Variants in CCDC141 observed in about 807,000 individuals in gnomAD.
CCDC141 encodes coiled-coil domain containing 141, also known as coiled-coil domain-containing protein 141.
In CCDC141, 168 loss-of-function variants were observed where a neutral mutation model predicts 181.0. The observed-to-expected ratio is 0.93, with a 90% CI of 0.82 to 1.05. The LOEUF (loss-of-function observed/expected upper bound fraction) is 1.05, where lower values mean the gene tolerates loss of function less well. CCDC141 is among the 50% of genes least tolerant of loss of function. CCDC141 has a pLI of 0.00. For missense variants in CCDC141, 1,902 were observed against 1,788.5 expected (o/e 1.06, Z -1.14); for synonymous variants, 666 against 642.3 (o/e 1.04, Z -0.56).
At chr2:179,044,403 C>G (rs62176021) in intron 2 of CCDC141, among the ~76,000 whole-genome samples, 13,114 of 152,282 alleles carry the variant, frequency 0.086, 750 homozygotes, top group Admixed American at 0.17. Context: ...CAACTTCAAA[C>G]TATACTACAG....
intron 22 of CCDC141, among the ~76,000 whole-genome samples, chr2:178,842,385 C>T (rs1213697179): frequency 6.6e-6 from 1 of 152,238 alleles, no homozygotes; most frequent in Admixed American, 6.5e-5. Context: ...TACCCACTTA[C>T]ATATCTAGTA....
chr2:178,855,967 G>T (rs1386454128), intron 18 of CCDC141, among the ~76,000 whole-genome samples: 1 of 152,090 alleles, frequency 6.6e-6, no homozygotes, highest in Admixed American at 6.6e-5. Context: ...AGTGTAGAAG[G>T]CACGTGCATG....
intron 7 of CCDC141, among the ~76,000 whole-genome samples, chr2:178,909,239 C>T (rs1575203976): frequency 6.6e-6 from 1 of 152,022 alleles, no homozygotes; most frequent in East Asian, 1.9e-4. Context: ...ATATCAAGGA[C>T]AAAGATAGCC....
At chr2:178,877,767 G>A in intron 12 of CCDC141, 197 bp downstream of exon 12, 2 of 637,602 alleles carry the variant, frequency 3.1e-6, no homozygotes, top group Non-Finnish European at 5.5e-6. Flanking sequence ...CAGCCTTCCT[G>A]TTATAAACTA....
intron 4 of CCDC141, among the ~76,000 whole-genome samples, chr2:178,967,715 G>T (rs1690701879): frequency 6.6e-6 from 1 of 152,112 alleles, no homozygotes; most frequent in Non-Finnish European, 1.5e-5. Flanking sequence ...GCATCATAAT[G>T]ACAGGATCAA....
intron 6 of CCDC141, among the ~76,000 whole-genome samples, chr2:178,939,251 A>G (rs1425322098): frequency 1.3e-5 from 2 of 152,236 alleles, no homozygotes; most frequent in African/African-American, 4.8e-5. Context: ...TTTTAAGAAA[A>G]CCTTCCATAA....
At chr2:178,942,055 T>C (rs1689546725) in intron 6 of CCDC141, among the ~76,000 whole-genome samples, 1 of 149,822 alleles carries the variant, frequency 6.7e-6, no homozygotes, top group Admixed American at 6.7e-5. Flanking sequence ...TAGGTTTCTA[T>C]GCCTCACTTT....
chr2:178,924,585 G>T (rs1198136433), intron 6 of CCDC141, among the ~76,000 whole-genome samples: 1 of 152,120 alleles, frequency 6.6e-6, no homozygotes, highest in African/African-American at 2.4e-5. Flanking sequence ...TATAAATTGG[G>T]TGGTAGTCTC....
chr2:179,049,720 T>C (rs1348697149), intron 1 of CCDC141, 120 bp downstream of exon 1: 5 of 1,033,112 alleles, frequency 4.8e-6, no homozygotes, highest in Non-Finnish European at 7.1e-6. Context: ...GCAGTAAGAG[T>C]GCTTGCTGCG....
intron 17 of CCDC141, among the ~76,000 whole-genome samples, chr2:178,863,695 T>C (rs1278421338): frequency 6.6e-6 from 1 of 152,062 alleles, no homozygotes; most frequent in Non-Finnish European, 1.5e-5. Flanking sequence ...GCACTACATG[T>C]CCACAAAAAA....
At chr2:178,987,156 T>G (rs1691791030) in intron 2 of CCDC141, among the ~76,000 whole-genome samples, 1 of 115,804 alleles carries the variant, frequency 8.6e-6, no homozygotes, top group South Asian at 3.5e-4. Context: ...CCCTCAGAAA[T>G]AATGCCGCAT....
chr2:178,872,252 C>T lies in CCDC141; in HGVS notation c.1960G>A (p.Glu654Lys). 1.2e-6 allele frequency: 2 copies of T among 1,614,056 alleles called. No homozygotes were observed. The highest frequency in any genetic ancestry group is 1.7e-6 in the Non-Finnish European group (2 of 1,179,976). Residue 654 changes from glutamate to lysine, a missense_variant, in exon 13 of 24, where the codon GAA becomes AAA. Physicochemically the swap from Glu to Lys is moderately conservative, Grantham distance 56 (BLOSUM62 1). Coordinates refer to ENST00000443758, the MANE Select transcript of CCDC141 (RefSeq NM_173648.4). Reference protein sequence around the residue: ...NEVYLMKNTMENQKAEREELS... With the variant: ...NEVYLMKNTMKNQKAEREELS... ...TCTTCCCGTTCTGCTTTCTGGTTTT[C>T]CATGGTGTTCTTCATGAGGTACACT...
At chr2:179,042,272 T>C (rs552146312) in intron 2 of CCDC141, among the ~76,000 whole-genome samples, 1 of 152,172 alleles carries the variant, frequency 6.6e-6, no homozygotes, top group African/African-American at 2.4e-5. Context: ...GTCAAAATCA[T>C]ACAACTAAAT....
intron 6 of CCDC141, among the ~76,000 whole-genome samples, chr2:178,937,037 AAGAG>A (rs780095579): frequency 1.5e-4 from 23 of 152,020 alleles, no homozygotes; most frequent in South Asian, 6.2e-4. Flanking sequence ...CATCTGCAAA[AAGAG>A]AGAGTTTGAC....
the CCDC141 span, among the ~76,000 whole-genome samples, chr2:178,823,238 A>G: frequency 6.6e-6 from 1 of 152,170 alleles, no homozygotes; most frequent in Non-Finnish European, 1.5e-5. Context: ...CAATAGTTAT[A>G]TAAGAATAAG....
At chr2:178,922,791 A>T (rs1688750636) in intron 6 of CCDC141, among the ~76,000 whole-genome samples, 1 of 152,190 alleles carries the variant, frequency 6.6e-6, no homozygotes. Context: ...ACCCACTTTA[A>T]CCTTGTGCTT....
intron 7 of CCDC141, among the ~76,000 whole-genome samples, chr2:178,910,249 A>T (rs1688162997): frequency 6.6e-6 from 1 of 152,222 alleles, no homozygotes; most frequent in African/African-American, 2.4e-5. Context: ...GCAGAATTCT[A>T]TCATGCTGTT....
At chr2:178,978,374 G>A in intron 3 of CCDC141, 110 bp downstream of exon 3, 1 of 649,286 alleles carries the variant, frequency 1.5e-6, no homozygotes, top group Non-Finnish European at 2.3e-6. Context: ...TGGTTATTCT[G>A]CCATTTTTTT....
At chr2:178,848,017 C>T (rs1001761188) in intron 21 of CCDC141, among the ~76,000 whole-genome samples, 5 of 152,292 alleles carry the variant, frequency 3.3e-5, no homozygotes, top group African/African-American at 4.8e-5. Flanking sequence ...TTTCATAAGG[C>T]ATCTTGTCTA....
Sources: gnomAD v4.1 joint callset for allele counts (sites outside exome capture counted in the v4.1 genomes callset) on GRCh38, gnomAD v4.1.1 for gene constraint, MANE v1.5 for transcripts, NCBI Gene and HGNC (gene_info 2026-07-23, HGNC 2026-07-21) for gene names.